SLC13A4: variants seen among roughly 807,000 people sequenced by gnomAD.
SLC13A4 encodes solute carrier family 13 member 4.
A neutral mutation model predicts 72.7 loss-of-function variants in SLC13A4; 28 were observed. That is an observed-to-expected ratio of 0.39 (90% confidence interval 0.29 to 0.53). The LOEUF (loss-of-function observed/expected upper bound fraction) is 0.53, where lower values mean the gene tolerates loss of function less well. Ranked by LOEUF, SLC13A4 falls within the 20% of genes least tolerant of loss-of-function variation. The pLI, the probability that SLC13A4 is intolerant of heterozygous loss-of-function variation, is 0.78. For missense variants in SLC13A4, 653 were observed against 788.0 expected (o/e 0.83, Z 2.05); for synonymous variants, 312 against 325.5 (o/e 0.96, Z 0.45).
At position 135,701,859 on chromosome 7, in the gene SLC13A4, C is replaced by T. The variant is rs368914843; in HGVS notation, c.634-99G>A. On this transcript the variant is annotated intron_variant, in intron 6 of 15. Coordinates refer to ENST00000682651, the MANE Select transcript of SLC13A4 (RefSeq NM_001318192.2). Reference sequence around the variant, plus strand: ...GTCATCCCAGGGCCACCCCATGCCTCAGCACTGTGGGAACCAGAGGCCAGA... The same window carrying T: ...GTCATCCCAGGGCCACCCCATGCCTTAGCACTGTGGGAACCAGAGGCCAGA... The T allele has an allele frequency of 9.2e-6, 11 of 1,190,376 alleles. No individual in the cohort carries two copies. In the East Asian group the frequency reaches 2.7e-4, roughly 29 times the overall value. The allele number at this position is 1,190,376 out of a possible 1,614,324, so 73.7% of individuals were successfully genotyped here.
rs886195415 is a variant in SLC13A4 at position 135,706,583 on chromosome 7, C to A, written c.366-283G>T. On this transcript the variant is annotated intron_variant, in intron 3 of 15. Transcript: ENST00000682651. The stretch of plus-strand genomic sequence containing the variant: ...CAAAGAATAGCTCTGGTAGTAGGGC[C>A]ACAGGGTGTAGACTTACCATTGTTT... Among the ~76,000 whole-genome samples, 4 of 152,226 alleles carry A rather than the reference C, an allele frequency of 2.6e-5. No homozygotes were observed. The East Asian group carries it at 7.7e-4, about 29-fold the overall frequency.
In SLC13A4 at chr7:135,727,532, C is replaced by G; in HGVS notation, c.-36G>C. 1 of 1,529,118 alleles carries G rather than the reference C, an allele frequency of 6.5e-7. No homozygotes were observed. The highest frequency in any genetic ancestry group is 8.8e-7 in the Non-Finnish European group (1 of 1,132,240). The allele number at this position is 1,529,118 out of a possible 1,614,324, so 94.7% of individuals were successfully genotyped here. Reference sequence around the variant, plus strand: ...TCCTCTCCAGCTCGTCCTTGGACCCCGCTCTGCCGGCGAAAGGCTTCCTGC... The same window carrying G: ...TCCTCTCCAGCTCGTCCTTGGACCCGGCTCTGCCGGCGAAAGGCTTCCTGC... On this transcript the variant is annotated 5_prime_UTR_variant, in exon 1 of 16. Transcript: ENST00000682651.
At chr7:135,693,643 G>A (rs1458162721) in intron 10 of SLC13A4, among the ~76,000 whole-genome samples, 1 of 152,190 alleles carries the variant, frequency 6.6e-6, no homozygotes, top group Admixed American at 6.5e-5. Flanking sequence ...GGGTCCCTGT[G>A]GAAAAGCTGA....
Position 135,681,623 on chromosome 7 carries a change from G to A in SLC13A4, c.1824C>T (p.Leu608=). 3 of 1,614,158 alleles carry A rather than the reference G, an allele frequency of 1.9e-6. No homozygotes were observed. The highest frequency in any genetic ancestry group is 2.5e-6 in the Non-Finnish European group (3 of 1,180,006). The part of the protein sequence containing the change: ...MVAINTWGVS[L]FHLDTYPAWA... The stretch of plus-strand genomic sequence containing the variant: ...ATGCTGGGTAAGTGTCCAGGTGGAA[G>A]AGGCTAACTCCCCAGGTGTTGATGG... The change falls in exon 16 of 16, where the codon CTC becomes CTT. Residue 608 remains leucine (L), a synonymous_variant. Coordinates refer to ENST00000682651, the MANE Select transcript of SLC13A4 (RefSeq NM_001318192.2).
At chr7:135,691,945 T>A (rs1196075197) in intron 11 of SLC13A4, 2 of 415,872 alleles carry the variant, frequency 4.8e-6, no homozygotes, top group East Asian at 9.4e-5. Flanking sequence ...TAAAGGAGAA[T>A]AGAAGAGGAT....
intron 12 of SLC13A4, 74 bp from the exon 13 acceptor site, chr7:135,691,399 G>A (rs1795783398): frequency 7.5e-7 from 1 of 1,328,262 alleles, no homozygotes; most frequent in Non-Finnish European, 1.0e-6. Flanking sequence ...CCTAATTGGT[G>A]AAGTGGATGA....
intron 2 of SLC13A4, among the ~76,000 whole-genome samples, chr7:135,720,112 A>G (rs1317268622): frequency 6.6e-6 from 1 of 152,190 alleles, no homozygotes; most frequent in Non-Finnish European, 1.5e-5. Context: ...ATTTTTGGAA[A>G]GTTCTGTTGT....
intron 5 of SLC13A4, 155 bp downstream of exon 5, chr7:135,705,441 T>C: frequency 2.2e-6 from 1 of 448,900 alleles, no homozygotes; most frequent in East Asian, 3.3e-5. Context: ...GGAGAGGAAA[T>C]GGGGGAGGTT....
intron 2 of SLC13A4, among the ~76,000 whole-genome samples, chr7:135,720,550 T>A (rs1381913736): frequency 1.0e-5 from 1 of 99,680 alleles, no homozygotes; most frequent in African/African-American, 3.8e-5. Context: ...TCAGGCTTTT[T>A]CATTAAAAAA....
At chr7:135,697,425 C>T (rs774959086) in intron 8 of SLC13A4, among the ~76,000 whole-genome samples, 1 of 152,092 alleles carries the variant, frequency 6.6e-6, no homozygotes, top group Non-Finnish European at 1.5e-5. Context: ...CCTTTCTAAC[C>T]TTCCTGAGAC....
At position 135,699,392 on chromosome 7, in the gene SLC13A4, T is replaced by A; in HGVS notation, c.871A>T (p.Ser291Cys). 6.2e-7 allele frequency: 1 copy of A among 1,613,052 alleles called. No individual in the cohort carries two copies. Among genetic ancestry groups the A allele is most frequent in the Non-Finnish European group, 8.5e-7 (1 of 1,179,552 alleles). The change falls in exon 8 of 16, where the codon AGC becomes TGC. Residue 291 changes from serine (S) to cysteine (C), a missense_variant. Ser to Cys is a moderately radical substitution (Grantham distance 112). Transcript: ENST00000682651. The part of the protein sequence containing the change: ...GLTTIIGTST[S>C]LIFLEHFNNQ... ...TTGAAGTGTTCCAGGAAGATGAGGC[T>A]GGTGGAGGTGCCGATGATGGTGGTC...
At chr7:135,709,421 T>C (rs1277011093) in intron 2 of SLC13A4, among the ~76,000 whole-genome samples, 1 of 128,914 alleles carries the variant, frequency 7.8e-6, no homozygotes, top group East Asian at 2.6e-4. Flanking sequence ...CTTTCTTTTT[T>C]TTTTAAAAAA....
At chr7:135,719,461 G>A (rs1563171090) in intron 2 of SLC13A4, among the ~76,000 whole-genome samples, 1 of 152,106 alleles carries the variant, frequency 6.6e-6, no homozygotes. Flanking sequence ...CCACTTTCAA[G>A]CCCTGCCCTT....
intron 1 of SLC13A4, among the ~76,000 whole-genome samples, chr7:135,722,251 C>T (rs1374870492): frequency 9.2e-6 from 1 of 108,678 alleles, no homozygotes; most frequent in African/African-American, 3.9e-5. Context: ...ACAATGCTGT[C>T]TCAAAAAAAC....
At chr7:135,692,467 T>G in intron 10 of SLC13A4, 43 bp from the exon 11 acceptor site, 1 of 1,423,084 alleles carries the variant, frequency 7.0e-7, no homozygotes. Flanking sequence ...ACTGAGAAAT[T>G]TCTCCTAGCT....
At chr7:135,698,639 T>C (rs1192056311) in intron 8 of SLC13A4, among the ~76,000 whole-genome samples, 1 of 147,902 alleles carries the variant, frequency 6.8e-6, no homozygotes, top group Non-Finnish European at 1.5e-5. Context: ...TGGGACTTTT[T>C]TTTTTTTTTT....
chr7:135,702,631 C>G, intron 6 of SLC13A4: 1 of 525,830 alleles, frequency 1.9e-6, no homozygotes, highest in Middle Eastern at 4.5e-4. Flanking sequence ...CTGCTGTGGC[C>G]TCCCAAAGTG....
chr7:135,699,117 G>C (rs1427986678), intron 8 of SLC13A4, among the ~76,000 whole-genome samples: 1 of 151,812 alleles, frequency 6.6e-6, no homozygotes, highest in African/African-American at 2.4e-5. Context: ...ATTTTTAAAT[G>C]TTTTCTAGAG....
chr7:135,708,232 T>A lies in SLC13A4; in HGVS notation c.247A>T (p.Lys83Ter). Residue 83 changes from lysine (K) to a stop codon, truncating the protein, a stop_gained, in exon 3 of 16, where the codon AAG becomes TAG. Coordinates refer to ENST00000682651, the MANE Select transcript of SLC13A4 (RefSeq NM_001318192.2). LOFTEE classifies it high-confidence loss of function. ...RSNEVAAEYF[K>*]NTTLLLVGVI... ...CCCACCAGCAGCAGCGTGGTGTTCT[T>A]GAAGTACTCCGCCGCCACCTGTAGG... 1 of 1,614,210 alleles carries A rather than the reference T, an allele frequency of 6.2e-7. No homozygotes were observed. Among genetic ancestry groups the A allele is most frequent in the Non-Finnish European group, 8.5e-7 (1 of 1,180,038 alleles).
Sources: gnomAD v4.1 joint callset for allele counts (sites outside exome capture counted in the v4.1 genomes callset) on GRCh38, gnomAD v4.1.1 for gene constraint, MANE v1.5 for transcripts, NCBI Gene and HGNC (gene_info 2026-07-23, HGNC 2026-07-21) for gene names.